Variants in SULF1 observed in about 807,000 individuals in gnomAD.
SULF1 encodes extracellular sulfatase Sulf-1.
SULF1 carries 46 observed loss-of-function variants against 110.5 expected under a neutral mutation model. That is an observed-to-expected ratio of 0.42 (90% CI 0.33 to 0.53). The LOEUF (loss-of-function observed/expected upper bound fraction) is 0.53, where lower values mean the gene tolerates loss of function less well. SULF1 is among the 20% of genes least tolerant of loss of function. The pLI, the probability that SULF1 is intolerant of heterozygous loss-of-function variation, is 0.12. For missense variants in SULF1, 941 were observed against 1,094.2 expected (o/e 0.86, Z 1.98); for synonymous variants, 371 against 387.1 (o/e 0.96, Z 0.49).
chr8:69,484,188 A>C (rs1196327878), intron 1 of SULF1, among the ~76,000 whole-genome samples: 1 of 152,060 alleles, frequency 6.6e-6, no homozygotes, highest in Non-Finnish European at 1.5e-5. Context: ...TTTTCCTCAT[A>C]TTTAGTAATT....
intron 3 of SULF1, among the ~76,000 whole-genome samples, chr8:69,538,454 C>T (rs1813617343): frequency 6.6e-6 from 1 of 152,102 alleles, no homozygotes; most frequent in Non-Finnish European, 1.5e-5. Context: ...AGGCCGGGCC[C>T]CTTTCTGGAG....
intron 1 of SULF1, among the ~76,000 whole-genome samples, chr8:69,484,768 A>G (rs777712194): frequency 2.6e-4 from 39 of 152,166 alleles, no homozygotes; most frequent in Non-Finnish European, 4.1e-4. Context: ...AGCAAGGACC[A>G]TGGTCTCAGG....
upstream of SULF1, among the ~76,000 whole-genome samples, chr8:69,488,806 A>G (rs1809800938): frequency 6.6e-6 from 1 of 152,040 alleles, no homozygotes; most frequent in African/African-American, 2.4e-5. Flanking sequence ...AACACATACC[A>G]TGCAGGGCAC....
intron 13 of SULF1, among the ~76,000 whole-genome samples, chr8:69,607,709 C>G (rs1183565507): frequency 6.6e-6 from 1 of 152,172 alleles, no homozygotes; most frequent in African/African-American, 2.4e-5. Context: ...GCCTTTTGCT[C>G]TTTCTTTCTG....
At chr8:69,568,256 A>C (rs946663570) in intron 5 of SULF1, among the ~76,000 whole-genome samples, 1 of 152,244 alleles carries the variant, frequency 6.6e-6, no homozygotes, top group African/African-American at 2.4e-5. Flanking sequence ...AAATTCTAAT[A>C]GAATACTTTT....
chr8:69,628,763 A>C (rs1810294638), intron 18 of SULF1, among the ~76,000 whole-genome samples: 1 of 152,210 alleles, frequency 6.6e-6, no homozygotes, highest in South Asian at 2.1e-4. Flanking sequence ...GGCTATCTAA[A>C]CTTGTTTAGT....
chr8:69,514,285 T>G (rs2150596526), intron 3 of SULF1, among the ~76,000 whole-genome samples: 1 of 152,208 alleles, frequency 6.6e-6, no homozygotes, highest in East Asian at 1.9e-4. Context: ...AAACTTACAA[T>G]CATGGCAGAA....
At chr8:69,566,303 G>A (rs964468642) in intron 5 of SULF1, among the ~76,000 whole-genome samples, 2 of 152,078 alleles carry the variant, frequency 1.3e-5, no homozygotes, top group African/African-American at 4.8e-5. Flanking sequence ...TCAATATACA[G>A]CACTGTCTTT....
chr8:69,599,599 C>T (rs1311216469), intron 8 of SULF1, among the ~76,000 whole-genome samples: 1 of 152,110 alleles, frequency 6.6e-6, no homozygotes, highest in Non-Finnish European at 1.5e-5. Context: ...TTGCATAATA[C>T]CCAACACATA....
chr8:69,478,280 T>G (rs576045017), intron 1 of SULF1, among the ~76,000 whole-genome samples: 2 of 152,296 alleles, frequency 1.3e-5, no homozygotes, highest in African/African-American at 4.8e-5. Context: ...CCACTCATCT[T>G]ACCTACTGCC....
intron 6 of SULF1, chr8:69,584,632 T>A (rs1395294819): frequency 1.3e-5 from 2 of 152,188 alleles, no homozygotes; most frequent in Non-Finnish European, 2.9e-5. Flanking sequence ...CTTAGCCCAG[T>A]CTAACTTAAA....
At chr8:69,621,518 TA>T (rs574968135) in intron 14 of SULF1, among the ~76,000 whole-genome samples, 1 of 152,240 alleles carries the variant, frequency 6.6e-6, no homozygotes, top group Non-Finnish European at 1.5e-5. Context: ...AAAGAGTTTA[TA>T]AAATGGTTAT....
intron 1 of SULF1, among the ~76,000 whole-genome samples, chr8:69,486,151 A>G (rs13263859): frequency 0.19 from 28,994 of 152,124 alleles, 3,250 homozygotes; most frequent in East Asian, 0.54. Flanking sequence ...CAAGGCAGAT[A>G]ATACTGAACA....
At chr8:69,627,436 A>AAT (rs915698487) in intron 16 of SULF1, 130 bp downstream of exon 16, 12 of 683,646 alleles carry the variant, frequency 1.8e-5, no homozygotes, top group Non-Finnish European at 2.7e-5. Context: ...CAAAAAAAAA[A>AAT]AGTTATTTGT....
intron 3 of SULF1, among the ~76,000 whole-genome samples, chr8:69,531,429 A>AT (rs1427547025): frequency 1.3e-5 from 2 of 152,074 alleles, no homozygotes; most frequent in East Asian, 3.9e-4. Context: ...CTTGTGACAG[A>AT]TTTTCAACCA....
chr8:69,505,598 C>T (rs918349502), intron 3 of SULF1, among the ~76,000 whole-genome samples: 8 of 151,904 alleles, frequency 5.3e-5, no homozygotes, highest in Middle Eastern at 3.4e-3. Context: ...TAAAATTGCC[C>T]GTAGACTGTA....
intron 8 of SULF1, among the ~76,000 whole-genome samples, chr8:69,594,441 C>T (rs1369998622): frequency 6.6e-6 from 1 of 152,026 alleles, no homozygotes; most frequent in East Asian, 1.9e-4. Context: ...CACACAAATA[C>T]ACAAGTTCAA....
chr8:69,602,196 C>A (rs1807879048), intron 10 of SULF1, among the ~76,000 whole-genome samples: 1 of 151,814 alleles, frequency 6.6e-6, no homozygotes, highest in African/African-American at 2.4e-5. Context: ...TAGTGTTTAA[C>A]TTTTAAAAAT....
At chr8:69,628,019 A>T in intron 17 of SULF1, 152 bp from the exon 18 acceptor site, 1 of 880,504 alleles carries the variant, frequency 1.1e-6, no homozygotes, top group Non-Finnish European at 1.8e-6. Flanking sequence ...AAATATGCTT[A>T]AACTTAAGCA....
Sources: allele counts gnomAD v4.1 joint callset (sites outside exome capture counted in the v4.1 genomes callset), GRCh38; gene constraint gnomAD v4.1.1; transcripts MANE v1.5; gene names NCBI Gene and HGNC (gene_info 2026-07-23, HGNC 2026-07-21).